The following TRPM3 variants were observed in gnomAD, a reference collection of about 807,000 sequenced individuals.
TRPM3 encodes the protein long transient receptor potential channel 3.
Under a neutral mutation model 181.2 loss-of-function variants are expected in TRPM3, and 77 were observed. The ratio of observed to expected loss-of-function variants is 0.42; its 90% CI spans 0.35 to 0.51. The LOEUF (loss-of-function observed/expected upper bound fraction) is 0.51, where lower values mean the gene tolerates loss of function less well. Ranked by LOEUF, TRPM3 falls within the 20% of genes least tolerant of loss-of-function variation. The pLI is 0.01. For synonymous variants in TRPM3, 745 were observed against 796.4 expected, an observed-to-expected ratio of 0.94 and a Z score of 1.09; for missense variants, 1,759 against 2,196.7, an observed-to-expected ratio of 0.80 and a Z score of 3.98.
In TRPM3 at chr9:70,961,502, G is replaced by A. The variant is rs548508334; in HGVS notation, c.178-96991C>T. Among the ~76,000 whole-genome samples, 417 of 152,108 alleles carry A rather than the reference G, an allele frequency of 2.7e-3. 3 individuals are homozygous for A. The highest frequency in any genetic ancestry group is 9.2e-3 in the African/African-American group (382 of 41,496). ...GGTAAAGCCATGCTTGTTCACCCAG[G>A]GTGTTTTACAGAGCCTGACTCTGCA... is the stretch of plus-strand genomic sequence containing the variant. On this transcript the variant is annotated intron_variant, in intron 1 of 25. Coordinates refer to ENST00000677713, the MANE Select transcript of TRPM3 (RefSeq NM_001366145.2).
At chr9:71,332,379 GT>G (rs2090266392) in intron 1 of TRPM3, among the ~76,000 whole-genome samples, 2 of 127,540 alleles carry the variant, frequency 1.6e-5, no homozygotes, top group African/African-American at 8.1e-5. Context: ...AATGTTGGGT[GT>G]GTGTGTGTGT....
intron 1 of TRPM3, among the ~76,000 whole-genome samples, chr9:71,368,420 G>T (rs2092408472): frequency 6.6e-6 from 1 of 152,100 alleles, no homozygotes; most frequent in African/African-American, 2.4e-5. Flanking sequence ...TTATCTCAAG[G>T]CCTCAAGGGA....
At chr9:70,584,174 G>A (rs944499464) in intron 22 of TRPM3, among the ~76,000 whole-genome samples, 1 of 152,048 alleles carries the variant, frequency 6.6e-6, no homozygotes, top group Non-Finnish European at 1.5e-5. Flanking sequence ...CGAAATGCAT[G>A]AGCCACTGTG....
upstream of TRPM3, chr9:71,121,682 G>A: frequency 9.2e-7 from 1 of 1,086,902 alleles, no homozygotes; most frequent in Non-Finnish European, 1.1e-6. Context: ...GGGGGAACCG[G>A]GGCCATTGCT....
intron 6 of TRPM3, among the ~76,000 whole-genome samples, chr9:70,802,533 A>G (rs2089426993): frequency 6.6e-6 from 1 of 152,252 alleles, no homozygotes; most frequent in Non-Finnish European, 1.5e-5. Context: ...ATAAGGAAAC[A>G]TATATTAGTC....
chr9:70,998,530 T>C (rs976135657), intron 1 of TRPM3, among the ~76,000 whole-genome samples: 22 of 152,242 alleles, frequency 1.4e-4, no homozygotes, highest in African/African-American at 5.3e-4. Context: ...TCCATAGGGT[T>C]CATTGGTGGT....
At chr9:71,051,802 T>A (rs2060089571) in intron 1 of TRPM3, among the ~76,000 whole-genome samples, 1 of 152,158 alleles carries the variant, frequency 6.6e-6, no homozygotes, top group South Asian at 2.1e-4. Context: ...AAGTCTGGCA[T>A]GCCTTATCTA....
At chr9:71,006,611 T>A (rs1297827285) in intron 1 of TRPM3, among the ~76,000 whole-genome samples, 1 of 152,156 alleles carries the variant, frequency 6.6e-6, no homozygotes, top group African/African-American at 2.4e-5. Context: ...GGCTCACGCC[T>A]GTAATCTCAG....
chr9:71,015,301 C>T (rs1251118420), intron 1 of TRPM3, among the ~76,000 whole-genome samples: 3 of 152,164 alleles, frequency 2.0e-5, no homozygotes, highest in Non-Finnish European at 4.4e-5. Flanking sequence ...TGAGCACCTA[C>T]CTTGTACCTT....
At position 70,625,847 on chromosome 9, in the gene TRPM3, C is replaced by T. The variant is rs1326541984; in HGVS notation, c.1633-330G>A. On this transcript the variant is annotated intron_variant, in intron 12 of 25. Coordinates refer to ENST00000677713, the MANE Select transcript of TRPM3 (RefSeq NM_001366145.2). The surrounding 1 kb of genome is among the most constrained non-coding windows in gnomAD (Gnocchi z 4.8). ...CTCCATCAGCTGGGATTTTAGGACT[C>T]GGGTCTCCTTTAATACAAAACCTCT... 2.0e-5 allele frequency among the ~76,000 whole-genome samples: 3 copies of T among 152,108 alleles called. No individual in the cohort carries two copies. The highest frequency in any genetic ancestry group is 4.8e-5 in the African/African-American group (2 of 41,416).
chr9:71,180,859 T>A (rs1264284429), intron 1 of TRPM3, among the ~76,000 whole-genome samples: 1 of 152,104 alleles, frequency 6.6e-6, no homozygotes. Flanking sequence ...GAGAGGCTCC[T>A]CACCTCCCCT....
Position 70,536,155 on chromosome 9 carries a change from T to C in TRPM3, c.4958A>G (p.Glu1653Gly). The change falls in exon 26 of 26, where the codon GAG (glutamate) becomes GGG (glycine). Residue 1653 changes from glutamate to glycine, a missense_variant. Physicochemically the swap from Glu to Gly is moderately conservative, Grantham distance 98. Around this residue, in one of 8 missense-constraint regions of TRPM3, gnomAD observed 612 missense variants for 590.0 expected, o/e 1.04. Transcript: ENST00000677713. The stretch of plus-strand genomic sequence containing the variant: ...GTGTGCATATGGCGCACTTGGCTCC[T>C]CTGCCGAGTAGCTGTTGGCGCGCTC... The part of the protein sequence containing the change: ...KIERANSYSA[E>G]EPSAPYAHTR... 6.2e-7 allele frequency: 1 copy of C among 1,614,230 alleles called. No homozygotes were observed. The highest frequency in any genetic ancestry group is 8.5e-7 in the Non-Finnish European group (1 of 1,180,030).
intron 7 of TRPM3, among the ~76,000 whole-genome samples, chr9:70,778,352 C>T (rs2081846034): frequency 6.6e-6 from 1 of 152,150 alleles, no homozygotes; most frequent in Non-Finnish European, 1.5e-5. Flanking sequence ...GTTATCTGCA[C>T]TTGTGTCTAT....
At chr9:70,821,512 C>A (rs1447782421) in intron 6 of TRPM3, among the ~76,000 whole-genome samples, 1 of 152,158 alleles carries the variant, frequency 6.6e-6, no homozygotes, top group African/African-American at 2.4e-5. Flanking sequence ...GTTTATTAAG[C>A]AGCTACTATG....
chr9:70,822,244 T>C (rs148990969), intron 6 of TRPM3, among the ~76,000 whole-genome samples: 5 of 152,352 alleles, frequency 3.3e-5, no homozygotes, highest in Non-Finnish European at 5.9e-5. Context: ...TCAAAAACTT[T>C]GTACAAATTC....
At chr9:71,066,078 A>T (rs1311930899) in intron 1 of TRPM3, among the ~76,000 whole-genome samples, 1 of 152,142 alleles carries the variant, frequency 6.6e-6, no homozygotes, top group African/African-American at 2.4e-5. Context: ...AGTCACCCAG[A>T]TTGCTTTGCT....
chr9:71,242,255 C>A lies in TRPM3; in HGVS notation c.183+204398G>T, dbSNP rs76561793. 1.8e-4 allele frequency among the ~76,000 whole-genome samples: 28 copies of A among 152,274 alleles called. 1 individual carries two copies. The East Asian group carries it at 5.4e-3, about 29-fold the overall frequency. On this transcript the variant is annotated intron_variant, in intron 1 of 24. Coordinates refer to the TRPM3 transcript ENST00000357533. ...CCTCCAGCTTAGGTCACTAACTGCG[C>A]AGATGTGGTTTCTTCACTGGCAGAT...
intron 1 of TRPM3, among the ~76,000 whole-genome samples, chr9:71,133,595 G>T (rs1419414341): frequency 6.6e-6 from 1 of 152,232 alleles, no homozygotes; most frequent in African/African-American, 2.4e-5. Flanking sequence ...ACTGCGCCCG[G>T]CTGCTTCTTC....
intron 1 of TRPM3, among the ~76,000 whole-genome samples, chr9:71,304,439 T>G (rs1407078153): frequency 3.3e-5 from 5 of 152,170 alleles, no homozygotes; most frequent in Admixed American, 3.3e-4. Flanking sequence ...TGGTTTAAGC[T>G]GTAAATAAGC....
Sources: gnomAD v4.1 joint callset for allele counts (sites outside exome capture counted in the v4.1 genomes callset) on GRCh38, gnomAD v4.1.1 for gene constraint, gnomAD v4.1.1 regional missense constraint, Gnocchi (gnomAD v3.1) non-coding constraint, MANE v1.5 for transcripts, NCBI Gene and HGNC (gene_info 2026-07-23, HGNC 2026-07-21) for gene names.